Variants in TAS2R1 observed in about 807,000 individuals in gnomAD.
TAS2R1 encodes taste receptor type 2 member 1.
For missense variants in TAS2R1, 370 were observed against 353.4 expected (o/e 1.05, Z -0.38); for synonymous variants, 141 against 134.2 (o/e 1.05, Z -0.35).
the TAS2R1 span, among the ~76,000 whole-genome samples, chr5:9,741,693 C>T: frequency 3.3e-5 from 5 of 152,142 alleles, no homozygotes; most frequent in Non-Finnish European, 5.9e-5. Context: ...GTGGAGTCCT[C>T]AGTCCTCAAG....
At chr5:9,779,384 T>C in the TAS2R1 span, among the ~76,000 whole-genome samples, 2 of 152,220 alleles carry the variant, frequency 1.3e-5, no homozygotes, top group African/African-American at 4.8e-5. Context: ...CAGTGTCAGG[T>C]ATTCCTTTAT....
the TAS2R1 span, among the ~76,000 whole-genome samples, chr5:9,776,558 C>T: frequency 2.0e-5 from 3 of 152,274 alleles, no homozygotes; most frequent in South Asian, 6.2e-4. Context: ...TCCTAATCAC[C>T]TCTTAAATTC....
chr5:9,740,022 C>A, the TAS2R1 span, among the ~76,000 whole-genome samples: 1 of 152,154 alleles, frequency 6.6e-6, no homozygotes, highest in East Asian at 1.9e-4. Flanking sequence ...GCACCCTGCC[C>A]ACCTATTCAT....
At chr5:9,889,574 C>G in the TAS2R1 span, 1 of 151,692 alleles carries the variant, frequency 6.6e-6, no homozygotes, top group East Asian at 1.9e-4. Flanking sequence ...TTATTGGTGG[C>G]GGGGGGTAAC....
At chr5:9,817,219 C>A in the TAS2R1 span, among the ~76,000 whole-genome samples, 1 of 152,184 alleles carries the variant, frequency 6.6e-6, no homozygotes, top group African/African-American at 2.4e-5. Flanking sequence ...AAAACATCTT[C>A]TCCTGGAAAA....
chr5:9,663,214 T>A (rs1579773363), intron 1 of TAS2R1, among the ~76,000 whole-genome samples: 2 of 152,254 alleles, frequency 1.3e-5, no homozygotes, highest in South Asian at 4.1e-4. Flanking sequence ...ACAAACAATA[T>A]ATGTGCTAAA....
At chr5:9,838,936 G>T in the TAS2R1 span, among the ~76,000 whole-genome samples, 1 of 152,196 alleles carries the variant, frequency 6.6e-6, no homozygotes, top group East Asian at 1.9e-4. Flanking sequence ...TGGTTAGAAG[G>T]CTCTGGTTTC....
chr5:9,808,358 A>G, the TAS2R1 span, among the ~76,000 whole-genome samples: 1 of 152,182 alleles, frequency 6.6e-6, no homozygotes, highest in African/African-American at 2.4e-5. Context: ...AGCTGAGGAG[A>G]TTTCTGAGCA....
At chr5:9,862,362 G>A in the TAS2R1 span, among the ~76,000 whole-genome samples, 1 of 152,134 alleles carries the variant, frequency 6.6e-6, no homozygotes, top group African/African-American at 2.4e-5. Context: ...CAGAGAGCTA[G>A]TACCTTTAGT....
the TAS2R1 span, among the ~76,000 whole-genome samples, chr5:9,901,544 C>T: frequency 6.6e-6 from 1 of 152,060 alleles, no homozygotes; most frequent in Non-Finnish European, 1.5e-5. Flanking sequence ...ACTGAGTTTA[C>T]ACTTTGCTCT....
chr5:9,739,565 T>C, the TAS2R1 span, among the ~76,000 whole-genome samples: 2 of 152,246 alleles, frequency 1.3e-5, no homozygotes, highest in Non-Finnish European at 2.9e-5. Flanking sequence ...TCTTTGGCAA[T>C]ACACACCATT....
chr5:9,861,508 G>A, the TAS2R1 span, among the ~76,000 whole-genome samples: 10 of 152,288 alleles, frequency 6.6e-5, 2 homozygotes, highest in South Asian at 1.2e-3. Flanking sequence ...TAGAGTGTTG[G>A]AAGAAATTGA....
chr5:9,845,788 G>A, the TAS2R1 span, among the ~76,000 whole-genome samples: 1 of 152,174 alleles, frequency 6.6e-6, no homozygotes, highest in African/African-American at 2.4e-5. Context: ...GATTATTAGA[G>A]TAATTCTTTT....
chr5:9,657,942 G>GA (rs1359233567), intron 2 of TAS2R1, among the ~76,000 whole-genome samples: 1 of 152,112 alleles, frequency 6.6e-6, no homozygotes, highest in African/African-American at 2.4e-5. Context: ...CTGACTGGGG[G>GA]AAAAATCAGA....
At chr5:9,883,286 A>G in the TAS2R1 span, 1 of 152,230 alleles carries the variant, frequency 6.6e-6, no homozygotes, top group Non-Finnish European at 1.5e-5. Flanking sequence ...CTTAATACCT[A>G]GGTGATGGGT....
the TAS2R1 span, among the ~76,000 whole-genome samples, chr5:9,727,674 T>C: frequency 6.6e-6 from 1 of 152,174 alleles, no homozygotes; most frequent in African/African-American, 2.4e-5. Flanking sequence ...TCAGAGGTGC[T>C]GACAAGGAGT....
chr5:9,719,269 G>A, the TAS2R1 span, among the ~76,000 whole-genome samples: 1 of 152,200 alleles, frequency 6.6e-6, no homozygotes, highest in African/African-American at 2.4e-5. Flanking sequence ...GAGAAAGAGA[G>A]AGAGATTGAG....
chr5:9,839,323 TG>T, the TAS2R1 span, among the ~76,000 whole-genome samples: 1 of 152,140 alleles, frequency 6.6e-6, no homozygotes, highest in South Asian at 2.1e-4. Context: ...GAAAAGCAAG[TG>T]GTAAGAATTC....
At chr5:9,827,455 G>A in the TAS2R1 span, among the ~76,000 whole-genome samples, 1 of 151,948 alleles carries the variant, frequency 6.6e-6, no homozygotes, top group Non-Finnish European at 1.5e-5. Context: ...CATAAATTGG[G>A]CCAGGAACAG....
Sources: allele counts gnomAD v4.1 joint callset (sites outside exome capture counted in the v4.1 genomes callset), GRCh38; gene constraint gnomAD v4.1.1; transcripts MANE v1.5; gene names NCBI Gene and HGNC (gene_info 2026-07-23, HGNC 2026-07-21).